Variants in AMMECR1 observed in about 807,000 individuals in gnomAD.
The protein encoded by AMMECR1 is AMMECR nuclear protein 1, also known as nuclear protein AMMECR1.
AMMECR1 carries 3 observed loss-of-function variants against 22.5 expected under a neutral mutation model. The ratio of observed to expected loss-of-function variants is 0.13; its 90% CI spans 0.06 to 0.35. The LOEUF is 0.35. AMMECR1 is among the 10% of genes least tolerant of loss of function. The pLI is 1.00. For synonymous variants in AMMECR1, 130 were observed against 116.7 expected (o/e 1.11, Z -0.74); for missense variants, 235 against 278.7 (o/e 0.84, Z 1.12).
intron 3 of AMMECR1, among the ~76,000 whole-genome samples, chrX:110,212,544 C>G (rs1358606097): frequency 1.8e-5 from 2 of 112,080 alleles, no homozygotes; most frequent in African/African-American, 6.5e-5. Context: ...TCAACTTTAA[C>G]ATTCTGTATT....
chrX:110,319,985 T>C (rs1243561021), upstream of AMMECR1, among the ~76,000 whole-genome samples: 1 of 111,847 alleles, frequency 8.9e-6, no homozygotes, highest in Non-Finnish European at 1.9e-5. Context: ...AGATGAAAAA[T>C]CTCCTTCCAA....
At chrX:110,353,680 A>AATAT (rs1240809851) in intron 2 of AMMECR1, among the ~76,000 whole-genome samples, 1 of 112,025 alleles carries the variant, frequency 8.9e-6, no homozygotes, top group African/African-American at 3.2e-5. Flanking sequence ...CAGAAAAAAT[A>AATAT]ATATAATTTC....
rs747429572 is a variant in AMMECR1, at chrX:110,317,983, G to A, written c.89C>T (p.Ser30Phe). The A allele has an allele frequency of 1.7e-6, 2 of 1,202,562 alleles. No individual in the cohort carries two copies. Among genetic ancestry groups the A allele is most frequent in the South Asian group, 1.8e-5 (1 of 55,292 alleles). Residue 30 changes from serine to phenylalanine, a missense_variant, in exon 1 of 6, where the codon TCC becomes TTC. Around this residue, in one of 2 missense-constraint regions of AMMECR1, gnomAD observed 124 missense variants for 97.0 expected, o/e 1.28. Transcript: ENST00000262844. Reference protein sequence around the residue: ...GSGGGGGASSSSHCSGESQCR... With the variant: ...GSGGGGGASSFSHCSGESQCR... ...CTGGCTCTCTCCGCTGCAGTGGGAG[G>A]AGGAGGAGGCGCCACCACCGCCACC...
chrX:110,425,708 G>A (rs1404123700), intron 2 of AMMECR1, among the ~76,000 whole-genome samples: 1 of 111,928 alleles, frequency 8.9e-6, no homozygotes, highest in African/African-American at 3.3e-5. Context: ...TTTCCCCCAC[G>A]TTACAGAGCA....
At chrX:110,405,763 A>G (rs896898753) in intron 2 of AMMECR1, among the ~76,000 whole-genome samples, 6 of 111,756 alleles carry the variant, frequency 5.4e-5, no homozygotes, top group Non-Finnish European at 1.1e-4. Context: ...AAGAAGTTAG[A>G]CAACCTGGGC....
chrX:110,260,823 A>C (rs2067737048), intron 2 of AMMECR1, among the ~76,000 whole-genome samples: 1 of 112,201 alleles, frequency 8.9e-6, no homozygotes, highest in African/African-American at 3.2e-5. Context: ...GGATAAACAG[A>C]ATGTGGTATA....
intron 2 of AMMECR1, among the ~76,000 whole-genome samples, chrX:110,359,380 A>G (rs1225137525): frequency 9.0e-6 from 1 of 111,193 alleles, no homozygotes; most frequent in African/African-American, 3.3e-5. Context: ...CTCTTTTGGC[A>G]TTACTCATGA....
At chrX:110,413,624 G>A (rs1297765143) in intron 2 of AMMECR1, among the ~76,000 whole-genome samples, 11 of 104,777 alleles carry the variant, frequency 1.0e-4, no homozygotes. Context: ...CGTGATCCAT[G>A]TACAGGACAC....
chrX:110,387,857 C>CTCTT (rs745786546), intron 2 of AMMECR1, among the ~76,000 whole-genome samples: 17 of 82,800 alleles, frequency 2.1e-4, no homozygotes, highest in African/African-American at 6.4e-4. Flanking sequence ...CTCCCTCTCT[C>CTCTT]TTTTTTTTTT....
intron 2 of AMMECR1, among the ~76,000 whole-genome samples, chrX:110,354,567 A>G (rs1318887836): frequency 3.6e-5 from 4 of 111,955 alleles, no homozygotes; most frequent in Non-Finnish European, 7.5e-5. Flanking sequence ...TCTTGGAACC[A>G]ATCACTTATG....
At chrX:110,326,864 G>A (rs1401998828) in intron 2 of AMMECR1, among the ~76,000 whole-genome samples, 3 of 111,695 alleles carry the variant, frequency 2.7e-5, no homozygotes, top group Non-Finnish European at 3.8e-5. Context: ...CTAGGTGGTG[G>A]CGGTTAAGAT....
chrX:110,394,578 A>T (rs1280287786), intron 2 of AMMECR1, among the ~76,000 whole-genome samples: 1 of 112,614 alleles, frequency 8.9e-6, no homozygotes, highest in African/African-American at 3.2e-5. Flanking sequence ...TAGTTTTGTT[A>T]TTCGTTGTTT....
At chrX:110,314,099 T>C (rs945544406) in intron 1 of AMMECR1, among the ~76,000 whole-genome samples, 5 of 111,634 alleles carry the variant, frequency 4.5e-5, no homozygotes, top group African/African-American at 1.6e-4. Context: ...TAGATTATGA[T>C]GTACTCCAAA....
rs1377207042 is a variant in AMMECR1 at position 110,275,374 on chromosome X, A to AT, written c.474-10776dup. ...TGGTATCAAATTTGAGATTGGCAGT[A>AT]TTTTTTTTTCAGCACTTTAAAGACG... is the stretch of plus-strand genomic sequence containing the variant. On this transcript the variant is annotated intron_variant, in intron 1 of 5. Transcript: ENST00000262844. Among the ~76,000 whole-genome samples, 267 of 108,812 alleles carry AT rather than the reference A, an allele frequency of 2.5e-3. 1 individual carries two copies. The highest frequency in any genetic ancestry group is 7.7e-3 in the African/African-American group (229 of 29,906). 94.5% of individuals were successfully genotyped at this position (108,812 alleles called of 115,157 possible).
At position 110,418,274 on chromosome X, in the gene AMMECR1, G is replaced by A. The variant is rs573555868; in HGVS notation, c.-148+8384C>T. ...TTCTTATTTTTTTAATTAAGAGCAGGTACTCTGCCCCAAAGGCTTTTCAAA... is the reference window on the plus strand; with the variant it reads ...TTCTTATTTTTTTAATTAAGAGCAGATACTCTGCCCCAAAGGCTTTTCAAA... On this transcript the variant is annotated intron_variant, in intron 2 of 7. Transcript: ENST00000372057. 3.3e-4 allele frequency among the ~76,000 whole-genome samples: 37 copies of A among 112,211 alleles called. 1 individual carries two copies. The highest frequency in any genetic ancestry group is 1.1e-3 in the African/African-American group (33 of 30,860).
chrX:110,391,321 T>C (rs960857103), intron 2 of AMMECR1, among the ~76,000 whole-genome samples: 1 of 112,034 alleles, frequency 8.9e-6, no homozygotes, highest in African/African-American at 3.3e-5. Context: ...GCTGAATTCA[T>C]GGTCAAATCA....
chrX:110,222,555 C>T (rs1395456348), intron 2 of AMMECR1, among the ~76,000 whole-genome samples: 1 of 96,443 alleles, frequency 1.0e-5, no homozygotes, highest in Admixed American at 1.1e-4. Context: ...ATGTAACTAA[C>T]CTGCACAATG....
chrX:110,276,758 C>T (rs756101748), intron 1 of AMMECR1, among the ~76,000 whole-genome samples: 2 of 111,587 alleles, frequency 1.8e-5, no homozygotes, highest in Non-Finnish European at 3.8e-5. Flanking sequence ...GATACATGCA[C>T]AGATTCATAT....
At chrX:110,332,824 C>T (rs1206047456) in intron 2 of AMMECR1, among the ~76,000 whole-genome samples, 1 of 111,490 alleles carries the variant, frequency 9.0e-6, no homozygotes, top group African/African-American at 3.3e-5. Context: ...AGAAGTTGAG[C>T]TTCTCCGGGA....
Sources: allele counts gnomAD v4.1 joint callset (sites outside exome capture counted in the v4.1 genomes callset), GRCh38; gene constraint gnomAD v4.1.1; regional missense constraint gnomAD v4.1.1; transcripts MANE v1.5; gene names NCBI Gene and HGNC (gene_info 2026-07-23, HGNC 2026-07-21).